The following PRR5 variants were observed in gnomAD, a reference collection of about 807,000 sequenced individuals.
The protein encoded by PRR5 is proline rich 5, also known as proline-rich protein 5.
PRR5 carries 25 observed loss-of-function variants against 30.6 expected under a neutral mutation model. The ratio of observed to expected loss-of-function variants is 0.82; its 90% CI spans 0.60 to 1.14. The LOEUF (loss-of-function observed/expected upper bound fraction) is 1.14. Ranked by LOEUF, PRR5 falls within the 50% of genes most tolerant of loss-of-function variation. The probability of loss-of-function intolerance (pLI) is 0.00; values close to 1 mark genes in which losing one functional copy is unlikely to be tolerated. For missense variants in PRR5, 600 were observed against 547.1 expected, an observed-to-expected ratio of 1.10 and a Z score of -0.96; for synonymous variants, 286 against 247.1, an observed-to-expected ratio of 1.16 and a Z score of -1.48.
At chr22:44,726,541 CA>C in intron 3 of PRR5, 35 bp from the exon 4 acceptor site, 1 of 1,613,736 alleles carries the variant, frequency 6.2e-7, no homozygotes. Context: ...CGGGCATCCA[CA>C]AGGGCGGTGA....
chr22:44,697,084 C>T (rs1436980207), intron 1 of PRR5, among the ~76,000 whole-genome samples: 1 of 152,170 alleles, frequency 6.6e-6, no homozygotes, highest in African/African-American at 2.4e-5. Context: ...ACGATGGGCT[C>T]ACCTTCTGGT....
At chr22:44,682,510 C>G (rs1924387944) in intron 1 of PRR5, among the ~76,000 whole-genome samples, 1 of 152,098 alleles carries the variant, frequency 6.6e-6, no homozygotes, top group Admixed American at 6.5e-5. Flanking sequence ...AATGAAGACC[C>G]CCTGCGCCTC....
intron 7 of PRR5, among the ~76,000 whole-genome samples, chr22:44,736,057 T>C (rs559296377): frequency 4.5e-4 from 69 of 152,312 alleles, no homozygotes; most frequent in African/African-American, 1.7e-3. Context: ...TGCAGGGTCC[T>C]GCATGGGAAC....
intron 1 of PRR5, among the ~76,000 whole-genome samples, chr22:44,709,051 A>G (rs1268289797): frequency 6.6e-6 from 1 of 150,534 alleles, no homozygotes; most frequent in African/African-American, 2.5e-5. Context: ...CTGGGATTCA[A>G]CCCAGGTCTC....
chr22:44,695,715 C>T (rs1925685160), intron 1 of PRR5, among the ~76,000 whole-genome samples: 1 of 151,754 alleles, frequency 6.6e-6, no homozygotes, highest in African/African-American at 2.4e-5. Flanking sequence ...TCTCTTGCCT[C>T]AGCCTCCTCA....
chr22:44,694,035 ACT>A (rs1925529727), intron 1 of PRR5, among the ~76,000 whole-genome samples: 2 of 152,050 alleles, frequency 1.3e-5, no homozygotes, highest in African/African-American at 4.8e-5. Flanking sequence ...CTGTCCGAAT[ACT>A]GTCACATTCA....
At chr22:44,683,990 GC>G (rs910916722) in intron 1 of PRR5, among the ~76,000 whole-genome samples, 5 of 152,256 alleles carry the variant, frequency 3.3e-5, no homozygotes, top group African/African-American at 9.6e-5. Context: ...GGTTTCATTG[GC>G]TTTGACTGCA....
rs1292729068 is a variant in PRR5 at position 44,691,918 on chromosome 22, AG to A, written c.-10-10572del. 6.6e-6 allele frequency among the ~76,000 whole-genome samples: 1 copy of A among 151,920 alleles called. No homozygotes were observed. The highest frequency in any genetic ancestry group is 1.5e-5 in the Non-Finnish European group (1 of 67,974). On this transcript the variant is annotated intron_variant, in intron 1 of 8. Coordinates refer to the PRR5 transcript ENST00000006251. This position sits in a 1 kb window ranked among gnomAD's most constrained non-coding sequence, Gnocchi z 4.4. ...AAGCCAGGGCCTTGCCAGTGTCCAG[AG>A]GAGCCGACATCACCTCCACAGTCGG...
Position 44,737,635 on chromosome 22 carries a change from GGT to G in PRR5, c.*390_*391del, listed in dbSNP as rs1454524377. On this transcript the variant is annotated 3_prime_UTR_variant, in exon 8 of 8. Transcript: ENST00000336985. ...AGCACACCTGTCTCCTCCTGCCTGGGGTGGCCATGGGGATGGAAGGGGGTGGA... is the reference window on the plus strand; with the variant it reads ...AGCACACCTGTCTCCTCCTGCCTGGGGGCCATGGGGATGGAAGGGGGTGGA... 1 of 206,086 alleles carries G rather than the reference GGT, an allele frequency of 4.9e-6. No homozygotes were observed. The highest frequency in any genetic ancestry group is 1.1e-4 in the East Asian group (1 of 8,840). 12.8% of individuals were successfully genotyped at this position (206,086 alleles called of 1,614,324 possible).
chr22:44,726,986 C>T (rs4823365), intron 4 of PRR5, among the ~76,000 whole-genome samples: 1 of 151,934 alleles, frequency 6.6e-6, no homozygotes, highest in Non-Finnish European at 1.5e-5. Flanking sequence ...GAGGAGAAGT[C>T]GGTTAGGGCT....
At chr22:44,731,628 C>G (rs2147164345) in intron 4 of PRR5, 102 bp from the exon 5 acceptor site, 1 of 1,190,366 alleles carries the variant, frequency 8.4e-7, no homozygotes, top group East Asian at 2.4e-5. Context: ...GGGCCTGAGC[C>G]CAGGCCCTCC....
intron 6 of PRR5, among the ~76,000 whole-genome samples, chr22:44,732,774 T>TGTGCGCACGCATACACACTACAC (rs1922299339): frequency 9.4e-6 from 1 of 106,390 alleles, no homozygotes; most frequent in African/African-American, 5.3e-5. Flanking sequence ...CACACATGCC[T>TGTGCGCACGCATACACACTACAC]GTGTGCACGC....
chr22:44,701,794 G>C (rs1273426927), upstream of PRR5, among the ~76,000 whole-genome samples: 11 of 152,232 alleles, frequency 7.2e-5, no homozygotes, highest in African/African-American at 2.7e-4. Context: ...AGAACTGGGT[G>C]GGGGAGCCTG....
At chr22:44,732,715 A>G (rs1457184347) in intron 6 of PRR5, among the ~76,000 whole-genome samples, 2 of 151,324 alleles carry the variant, frequency 1.3e-5, no homozygotes, top group Non-Finnish European at 2.9e-5. Flanking sequence ...CGCACATAGT[A>G]TGCACGTGCA....
chr22:44,734,864 T>A, intron 6 of PRR5, 163 bp from the exon 7 acceptor site: 1 of 943,116 alleles, frequency 1.1e-6, no homozygotes, highest in Non-Finnish European at 1.6e-6. Context: ...TGAGAGGGGC[T>A]GGGAGGCCAC....
intron 3 of PRR5, among the ~76,000 whole-genome samples, chr22:44,725,728 G>A (rs149483303): frequency 8.0e-4 from 122 of 152,208 alleles, no homozygotes; most frequent in African/African-American, 2.7e-3. Flanking sequence ...GCAGTGGCGC[G>A]ATCTCAGCTC....
At chr22:44,729,531 A>G (rs1375648503) in intron 4 of PRR5, 2 of 985,324 alleles carry the variant, frequency 2.0e-6, no homozygotes, top group Non-Finnish European at 1.2e-6. Context: ...GTGCTGTTTC[A>G]TCTCAGCTTT....
chr22:44,678,905 G>A lies in PRR5; in HGVS notation c.-11+1665G>A, dbSNP rs560892082. ...AGCATTCGATGAATTGAGAGCACGA[G>A]TGAGCGACAGACATCAGGGCACCTG... On this transcript the variant is annotated intron_variant, in intron 1 of 8. Transcript: ENST00000006251. Among the ~76,000 whole-genome samples the A allele has an allele frequency of 2.5e-3, 381 of 152,342 alleles. 1 individual carries two copies. Among genetic ancestry groups the A allele is most frequent in the Admixed American group, 7.7e-3 (118 of 15,298 alleles).
At chr22:44,716,470 A>C (rs1048200311) in intron 2 of PRR5, among the ~76,000 whole-genome samples, 5 of 152,234 alleles carry the variant, frequency 3.3e-5, no homozygotes, top group African/African-American at 1.2e-4. Context: ...CAGGAGTTTG[A>C]GACCAGCCTG....
Sources: gnomAD v4.1 joint callset for allele counts (sites outside exome capture counted in the v4.1 genomes callset) on GRCh38, gnomAD v4.1.1 for gene constraint, Gnocchi (gnomAD v3.1) non-coding constraint, MANE v1.5 for transcripts, NCBI Gene and HGNC (gene_info 2026-07-23, HGNC 2026-07-21) for gene names.